Variants in CRMP1 observed in about 807,000 individuals in gnomAD.
CRMP1 encodes the protein collapsin response mediator protein 1.
A neutral mutation model predicts 68.3 loss-of-function variants in CRMP1; 19 were observed. The observed-to-expected ratio is 0.28, with a 90% CI of 0.19 to 0.41. The LOEUF is 0.41. Among genes scored for constraint, CRMP1 ranks in the 10% least tolerant of loss-of-function variants. The pLI, the probability that CRMP1 is intolerant of heterozygous loss-of-function variation, is 1.00. For synonymous variants in CRMP1, 439 were observed against 399.6 expected (o/e 1.10, Z -1.18); for missense variants, 791 against 967.4 (o/e 0.82, Z 2.42).
At position 5,856,794 on chromosome 4, in the gene CRMP1, T is replaced by G. The variant is rs991294132; in HGVS notation, c.656-487A>C. ...ATCATCATTACCATCAGCACCATCA[T>G]CACCACCACCACCATCCACTATCAT... On this transcript the variant is annotated intron_variant, in intron 3 of 13. Transcript: ENST00000324989. Among the ~76,000 whole-genome samples the G allele has an allele frequency of 4.4e-5, 6 of 135,066 alleles. No homozygotes were observed. The East Asian group carries it at 1.4e-3, about 31-fold the overall frequency. The allele number at this position is 135,066 out of a possible 152,430, so 88.6% of individuals were successfully genotyped here.
chr4:5,833,376 C>T (rs894644021), intron 11 of CRMP1, among the ~76,000 whole-genome samples: 2 of 90,020 alleles, frequency 2.2e-5, no homozygotes, highest in East Asian at 2.7e-4. Flanking sequence ...CCGTTTTAGC[C>T]GGGATGGTCT....
chr4:5,836,618 G>T, intron 10 of CRMP1, 147 bp downstream of exon 10: 1 of 1,078,878 alleles, frequency 9.3e-7, no homozygotes, highest in Non-Finnish European at 1.4e-6. Context: ...CTCAAGTTAT[G>T]CGTTCCCTCC....
chr4:5,840,097 G>T (rs1711596313), intron 8 of CRMP1, among the ~76,000 whole-genome samples: 1 of 152,202 alleles, frequency 6.6e-6, no homozygotes, highest in South Asian at 2.1e-4. Context: ...GGAAACACTG[G>T]CTGGGGATTG....
chr4:5,828,454 C>T, intron 12 of CRMP1, 35 bp downstream of exon 12: 1 of 1,602,366 alleles, frequency 6.2e-7, no homozygotes, highest in South Asian at 1.1e-5. Context: ...GCTCTGGTCC[C>T]ACGGGTGGGC....
Position 5,877,773 on chromosome 4 carries a change from A to G in CRMP1, c.382-11017T>C, listed in dbSNP as rs1026237595. 1.3e-5 allele frequency among the ~76,000 whole-genome samples: 2 copies of G among 152,152 alleles called. No individual in the cohort carries two copies. The highest frequency in any genetic ancestry group is 2.9e-5 in the Non-Finnish European group (2 of 68,032). On this transcript the variant is annotated intron_variant, in intron 1 of 13. Transcript: ENST00000324989. This position sits in a 1 kb window ranked among gnomAD's most constrained non-coding sequence, Gnocchi z 4.3. ...TTATGCCTGTTTCCATGACAACTGC[A>G]GTTATAAGTGCACAATTTCAGGTCC...
chr4:5,836,582 C>T (rs577816196), intron 10 of CRMP1, among the ~76,000 whole-genome samples, 183 bp downstream of exon 10: 2 of 152,342 alleles, frequency 1.3e-5, no homozygotes, highest in East Asian at 3.9e-4. Flanking sequence ...AATGCAGAGG[C>T]CTCTCCCGGA....
At position 5,882,966 on chromosome 4, in the gene CRMP1, C is replaced by G. The variant is rs142167091; in HGVS notation, c.381+9623G>C. On this transcript the variant is annotated intron_variant, in intron 1 of 13. Transcript: ENST00000324989. ...ATTTCCATCCCCTTGGGTGCATTCT[C>G]CCTGATTTCCAAAGCTTTATAGAAT... Among the ~76,000 whole-genome samples, 1,003 of 152,282 alleles carry G rather than the reference C, an allele frequency of 6.6e-3. 6 individuals are homozygous for G. Among genetic ancestry groups the G allele is most frequent in the African/African-American group, 0.023 (937 of 41,560 alleles).
intron 1 of CRMP1, among the ~76,000 whole-genome samples, chr4:5,874,312 T>C (rs1470313695): frequency 6.6e-6 from 1 of 152,168 alleles, no homozygotes; most frequent in Non-Finnish European, 1.5e-5. Flanking sequence ...GATAATAAAA[T>C]GTGAGGAGAA....
At chr4:5,878,648 G>A (rs1440230591) in intron 1 of CRMP1, among the ~76,000 whole-genome samples, 2 of 152,134 alleles carry the variant, frequency 1.3e-5, no homozygotes, top group African/African-American at 2.4e-5. Context: ...TGGGTGCAGA[G>A]GGCAGACTAC....
rs899813492 is a variant in CRMP1 at position 5,855,568 on chromosome 4, G to A, written c.820+575C>T. 1.6e-4 allele frequency among the ~76,000 whole-genome samples: 25 copies of A among 152,188 alleles called. No individual in the cohort carries two copies. ...GTGGGAAGCAGGGACATATAGACGT[G>A]GTCCCCTCCCTCACAGAGCTCAGGG... On this transcript the variant is annotated intron_variant, in intron 4 of 13. Transcript: ENST00000324989. The surrounding 1 kb of genome is among the most constrained non-coding windows in gnomAD (Gnocchi z 4.9).
In CRMP1 at chr4:5,879,433, A is replaced by G. The variant is rs748962093; in HGVS notation, c.382-12677T>C. Among the ~76,000 whole-genome samples, 1 of 152,160 alleles carries G rather than the reference A, an allele frequency of 6.6e-6. No individual in the cohort carries two copies. The highest frequency in any genetic ancestry group is 1.5e-5 in the Non-Finnish European group (1 of 68,022). On this transcript the variant is annotated intron_variant, in intron 1 of 13. Coordinates refer to ENST00000324989, the MANE Select transcript of CRMP1 (RefSeq NM_001014809.3). The surrounding 1 kb of genome is among the most constrained non-coding windows in gnomAD (Gnocchi z 4.2). ...CACTCATTTTCCAGCTCATTGTAAT[A>G]TATCTTATTTCCCCCATGAGACTGA...
chr4:5,832,767 C>T (rs1448511549), intron 11 of CRMP1, among the ~76,000 whole-genome samples: 1 of 152,130 alleles, frequency 6.6e-6, no homozygotes, highest in Admixed American at 6.5e-5. Flanking sequence ...CAGTTACCTC[C>T]CAGATGGGTA....
At chr4:5,867,937 T>C (rs1714112465) in intron 1 of CRMP1, among the ~76,000 whole-genome samples, 1 of 152,034 alleles carries the variant, frequency 6.6e-6, no homozygotes, top group Non-Finnish European at 1.5e-5. Flanking sequence ...CAGGATTGTA[T>C]GAGTATGTCT....
rs574351020 is a variant in CRMP1, at chr4:5,858,917, C to T, written c.655+2109G>A. On this transcript the variant is annotated intron_variant, in intron 3 of 13. Coordinates refer to ENST00000324989, the MANE Select transcript of CRMP1 (RefSeq NM_001014809.3). This position sits in a 1 kb window ranked among gnomAD's most constrained non-coding sequence, Gnocchi z 5.5. ...GCCTTTGCACATGCTATTCCCTCCT[C>T]CTGGGGCTCTGCTTTTCTCTGCCCT... is the stretch of plus-strand genomic sequence containing the variant. 6.6e-6 allele frequency among the ~76,000 whole-genome samples: 1 copy of T among 152,184 alleles called. No individual in the cohort carries two copies. Among genetic ancestry groups the T allele is most frequent in the Non-Finnish European group, 1.5e-5 (1 of 68,040 alleles).
Position 5,877,970 on chromosome 4 carries a change from G to C in CRMP1, c.382-11214C>G, listed in dbSNP as rs1180907583. On this transcript the variant is annotated intron_variant, in intron 1 of 13. Transcript: ENST00000324989. This position sits in a 1 kb window ranked among gnomAD's most constrained non-coding sequence, Gnocchi z 4.3. Reference sequence around the variant, plus strand: ...AACTTGACCCATTTCTCTGTGTTCTGGTCTGTGCTTCTTGCTTTATAGAAA... The same window carrying C: ...AACTTGACCCATTTCTCTGTGTTCTCGTCTGTGCTTCTTGCTTTATAGAAA... Among the ~76,000 whole-genome samples the C allele has an allele frequency of 6.6e-6, 1 of 152,166 alleles. No homozygotes were observed. The highest frequency in any genetic ancestry group is 2.4e-5 in the African/African-American group (1 of 41,438).
At position 5,842,970 on chromosome 4, in the gene CRMP1, G is replaced by T; in HGVS notation, c.1032+123C>A. ...TCCCGGGGAAAACAAGATGGTTTGG[G>T]ATGGTCTGGGAGAGGACACGGGAAG... On this transcript the variant is annotated intron_variant, in intron 7 of 13. Transcript: ENST00000324989. This position sits in a 1 kb window ranked among gnomAD's most constrained non-coding sequence, Gnocchi z 4.5. 1 of 877,056 alleles carries T rather than the reference G, an allele frequency of 1.1e-6. No homozygotes were observed. The highest frequency in any genetic ancestry group is 1.7e-5 in the African/African-American group (1 of 60,036). 54.3% of individuals were successfully genotyped at this position (877,056 alleles called of 1,614,324 possible).
At position 5,856,129 on chromosome 4, in the gene CRMP1, A is replaced by C. The variant is rs763276483; in HGVS notation, c.820+14T>G. Reference sequence around the variant, plus strand: ...AGGGATTCCCCAAAACCCCGTTCCGAGGCTTTAACTGACCTTTGTCCTGCA... The same window carrying C: ...AGGGATTCCCCAAAACCCCGTTCCGCGGCTTTAACTGACCTTTGTCCTGCA... On this transcript the variant is annotated intron_variant, in intron 4 of 13. Transcript: ENST00000324989. 6.2e-7 allele frequency: 1 copy of C among 1,612,962 alleles called. No homozygotes were observed. Among genetic ancestry groups the C allele is most frequent in the South Asian group, 1.1e-5 (1 of 90,970 alleles).
In CRMP1 at chr4:5,891,175, T is replaced by TACACACACACACACACACAC. The variant is rs58583102; in HGVS notation, c.381+1394_381+1413dup. On this transcript the variant is annotated intron_variant, in intron 1 of 13. Transcript: ENST00000324989. The surrounding 1 kb of genome is among the most constrained non-coding windows in gnomAD (Gnocchi z 5.2). ...TGATCACCCCACCACCACACACACA[T>TACACACACACACACACACAC]ACACACACACACACACACACACACA... Among the ~76,000 whole-genome samples, 1,748 of 131,988 alleles carry TACACACACACACACACACAC rather than the reference T, an allele frequency of 0.013. 29 individuals carry two copies. The highest frequency in any genetic ancestry group is 0.02 in the Non-Finnish European group (1,275 of 62,732). 86.6% of individuals were successfully genotyped at this position (131,988 alleles called of 152,430 possible).
At position 5,859,879 on chromosome 4, in the gene CRMP1, G is replaced by A. The variant is rs147501392; in HGVS notation, c.655+1147C>T. Among the ~76,000 whole-genome samples, 1 of 152,294 alleles carries A rather than the reference G, an allele frequency of 6.6e-6. No homozygotes were observed. Among genetic ancestry groups the A allele is most frequent in the African/African-American group, 2.4e-5 (1 of 41,560 alleles). ...GGAGCGGGAGAGATGGGCAGGGTTG[G>A]GGCCAGCTTACAGACAGGCCTCCTG... On this transcript the variant is annotated intron_variant, in intron 3 of 13. Coordinates refer to ENST00000324989, the MANE Select transcript of CRMP1 (RefSeq NM_001014809.3). The surrounding 1 kb of genome is among the most constrained non-coding windows in gnomAD (Gnocchi z 5.2).
Sources: gnomAD v4.1 joint callset for allele counts (sites outside exome capture counted in the v4.1 genomes callset) on GRCh38, gnomAD v4.1.1 for gene constraint, Gnocchi (gnomAD v3.1) non-coding constraint, MANE v1.5 for transcripts, NCBI Gene and HGNC (gene_info 2026-07-23, HGNC 2026-07-21) for gene names.